The following MOB1B variants were observed in gnomAD, a reference collection of about 807,000 sequenced individuals.
MOB1B encodes MOB kinase activator 1B, also known as MOB1 Mps One Binder homolog B.
A neutral mutation model predicts 24.4 loss-of-function variants in MOB1B; 19 were observed. The ratio of observed to expected loss-of-function variants is 0.78; its 90% CI spans 0.54 to 1.14. The LOEUF (loss-of-function observed/expected upper bound fraction) is 1.14. MOB1B is among the 50% of genes most tolerant of loss of function. MOB1B has a pLI of 0.00. For missense variants in MOB1B, 243 were observed against 259.6 expected (o/e 0.94, Z 0.44); for synonymous variants, 76 against 82.1 (o/e 0.93, Z 0.40).
intron 3 of MOB1B, among the ~76,000 whole-genome samples, chr4:70,970,420 T>A (rs1389737069): frequency 6.6e-6 from 1 of 152,254 alleles, no homozygotes; most frequent in Non-Finnish European, 1.5e-5. Context: ...CAAAGCCTTC[T>A]GATTTCATCA....
chr4:70,966,847 CA>C (rs1049259757), intron 2 of MOB1B, among the ~76,000 whole-genome samples: 45 of 134,902 alleles, frequency 3.3e-4, no homozygotes, highest in Middle Eastern at 3.8e-3. Context: ...GATCCTACTT[CA>C]AAAAAAAAAA....
intron 1 of MOB1B, among the ~76,000 whole-genome samples, chr4:70,943,155 G>A (rs1272576785): frequency 6.6e-6 from 1 of 152,120 alleles, no homozygotes; most frequent in Non-Finnish European, 1.5e-5. Flanking sequence ...TAAAACCATA[G>A]GGTCATTTCT....
At chr4:70,906,920 C>G (rs865840282) in intron 1 of MOB1B, among the ~76,000 whole-genome samples, 1 of 152,078 alleles carries the variant, frequency 6.6e-6, no homozygotes, top group Admixed American at 6.6e-5. Flanking sequence ...ATGATAGATG[C>G]AATACAATCA....
intron 1 of MOB1B, among the ~76,000 whole-genome samples, chr4:70,916,098 G>T (rs1736183657): frequency 6.6e-6 from 1 of 152,136 alleles, no homozygotes; most frequent in African/African-American, 2.4e-5. Context: ...TTTTAGTTTG[G>T]TTTGGTCTCT....
intron 1 of MOB1B, among the ~76,000 whole-genome samples, chr4:70,910,115 A>G (rs1220743065): frequency 6.6e-6 from 1 of 151,538 alleles, no homozygotes; most frequent in Non-Finnish European, 1.5e-5. Context: ...ATCTTGGCTC[A>G]CTGCAAACTC....
intron 3 of MOB1B, among the ~76,000 whole-genome samples, chr4:70,971,040 G>C (rs368454603): frequency 6.6e-6 from 1 of 152,158 alleles, no homozygotes. Flanking sequence ...GTTTTTACCC[G>C]TCACGGGACT....
Position 70,906,218 on chromosome 4 carries a change from A to G in MOB1B, c.14+3668A>G, listed in dbSNP as rs550877676. ...GAAATGAAACCCCATGTCTACTAAA[A>G]ATAAAAAAAATTAGCCGGGCGTGGT... On this transcript the variant is annotated intron_variant, in intron 1 of 5. Transcript: ENST00000309395. Among the ~76,000 whole-genome samples, 8 of 152,282 alleles carry G rather than the reference A, an allele frequency of 5.3e-5. No individual in the cohort carries two copies. The South Asian group carries it at 1.7e-3, about 32-fold the overall frequency.
intron 5 of MOB1B, among the ~76,000 whole-genome samples, chr4:70,981,113 A>C (rs1739197727): frequency 6.6e-6 from 1 of 152,212 alleles, no homozygotes; most frequent in East Asian, 1.9e-4. Flanking sequence ...ATTCTAGCTT[A>C]ATATAAAATT....
intron 1 of MOB1B, among the ~76,000 whole-genome samples, chr4:70,920,302 C>T (rs1046856744): frequency 2.0e-5 from 3 of 152,172 alleles, no homozygotes; most frequent in Admixed American, 6.5e-5. Context: ...TCTCCGCTCA[C>T]TGCACCTCTG....
intron 1 of MOB1B, among the ~76,000 whole-genome samples, chr4:70,906,143 C>T (rs1043427453): frequency 6.6e-5 from 10 of 151,136 alleles, no homozygotes; most frequent in Non-Finnish European, 1.3e-4. Flanking sequence ...TTTGGGAGGC[C>T]GAGGTGGGTG....
chr4:70,920,923 G>A (rs1736411909), intron 1 of MOB1B, among the ~76,000 whole-genome samples: 1 of 152,174 alleles, frequency 6.6e-6, no homozygotes, highest in Admixed American at 6.6e-5. Flanking sequence ...ACTGATAAAG[G>A]TAGTTTAGGA....
chr4:70,950,204 G>A (rs1441169053), intron 1 of MOB1B, among the ~76,000 whole-genome samples: 3 of 152,098 alleles, frequency 2.0e-5, no homozygotes, highest in Non-Finnish European at 4.4e-5. Context: ...GGGAGGCTGA[G>A]ATGGGCAGAT....
At chr4:70,912,880 C>T (rs1257379432) in intron 1 of MOB1B, among the ~76,000 whole-genome samples, 4 of 152,320 alleles carry the variant, frequency 2.6e-5, no homozygotes, top group African/African-American at 4.8e-5. Flanking sequence ...CCCATCTCAG[C>T]CTCCTGAGTA....
At chr4:70,935,690 C>T (rs111902423) in intron 1 of MOB1B, among the ~76,000 whole-genome samples, 28 of 151,502 alleles carry the variant, frequency 1.8e-4, no homozygotes, top group African/African-American at 6.6e-4. Context: ...CAGGGTCTTA[C>T]TCTGTCACCC....
chr4:70,968,618 A>G (rs1376330995), intron 2 of MOB1B, among the ~76,000 whole-genome samples: 1 of 151,368 alleles, frequency 6.6e-6, no homozygotes, highest in Admixed American at 6.6e-5. Context: ...GCCTCATTTT[A>G]CTTTATTCTT....
intron 1 of MOB1B, among the ~76,000 whole-genome samples, chr4:70,934,266 A>C (rs745531276): frequency 6.8e-6 from 1 of 147,818 alleles, no homozygotes; most frequent in Non-Finnish European, 1.5e-5. Context: ...TTGTATTTTT[A>C]GTAGAGATGG....
chr4:70,980,936 G>C (rs1739190189), intron 5 of MOB1B, among the ~76,000 whole-genome samples: 1 of 152,070 alleles, frequency 6.6e-6, no homozygotes, highest in African/African-American at 2.4e-5. Flanking sequence ...GAAAAGCAGG[G>C]AGGTTTTCTG....
At chr4:70,958,077 T>C (rs1408576838) in intron 1 of MOB1B, among the ~76,000 whole-genome samples, 1 of 152,136 alleles carries the variant, frequency 6.6e-6, no homozygotes, top group Non-Finnish European at 1.5e-5. Context: ...AATGTCTAGC[T>C]ACTTAACTGC....
chr4:70,918,503 T>C (rs2148871577), intron 1 of MOB1B, among the ~76,000 whole-genome samples: 1 of 151,772 alleles, frequency 6.6e-6, no homozygotes, highest in South Asian at 2.1e-4. Flanking sequence ...GAGAAGTGCC[T>C]GTTCATGTCC....
Sources: allele counts gnomAD v4.1 joint callset (sites outside exome capture counted in the v4.1 genomes callset), GRCh38; gene constraint gnomAD v4.1.1; transcripts MANE v1.5; gene names NCBI Gene and HGNC (gene_info 2026-07-23, HGNC 2026-07-21).